FN3K: variants seen among roughly 807,000 people sequenced by gnomAD.
FN3K encodes the protein fructosamine 3 kinase, also known as fructosamine-3-kinase.
Under a neutral mutation model 24.8 loss-of-function variants are expected in FN3K, and 24 were observed. The observed-to-expected ratio is 0.97, with a 90% CI of 0.70 to 1.36. The LOEUF (loss-of-function observed/expected upper bound fraction) is 1.36, where lower values mean the gene tolerates loss of function less well. Ranked by LOEUF, FN3K falls within the 40% of genes most tolerant of loss-of-function variation. The pLI, the probability that FN3K is intolerant of heterozygous loss-of-function variation, is 0.00. For missense variants in FN3K, 449 were observed against 416.7 expected (o/e 1.08, Z -0.67); for synonymous variants, 192 against 175.2 (o/e 1.10, Z -0.76).
At chr17:82,746,159 C>T (rs2046967703) in intron 4 of FN3K, among the ~76,000 whole-genome samples, 1 of 151,828 alleles carries the variant, frequency 6.6e-6, no homozygotes, top group African/African-American at 2.4e-5. Context: ...GCATTCCCAC[C>T]AGCAGCATAT....
At position 82,748,954 on chromosome 17, in the gene FN3K, C is replaced by T. The variant is rs1254399905; in HGVS notation, c.568C>T (p.Arg190Ter). The T allele has an allele frequency of 9.9e-6, 16 of 1,614,064 alleles. No individual in the cohort carries two copies. Among genetic ancestry groups the T allele is most frequent in the South Asian group, 5.5e-5 (5 of 91,084 alleles). Reference sequence around the variant, plus strand: ...GAAGGACTATGCTGACCGAGAGGCACGAGAACTCTGGTCCCGGCTACAGGT... The same window carrying T: ...GAAGGACTATGCTGACCGAGAGGCATGAGAACTCTGGTCCCGGCTACAGGT... ...IEKDYADREA[R>*]ELWSRLQVKI... Residue 190 changes from arginine (R) to a stop codon, truncating the protein, a stop_gained, in exon 5 of 6, where the codon CGA (arginine) becomes TGA (stop). Coordinates refer to ENST00000300784, the MANE Select transcript of FN3K (RefSeq NM_022158.4). LOFTEE classifies it low-confidence loss of function (END_TRUNC).
Position 82,740,745 on chromosome 17 carries a change from C to A in FN3K, c.294-18C>A, listed in dbSNP as rs371100076. ...TATTATTTGTTATTTTAATTAGCTG[C>A]ATTTCTTCTTTCCTCAGTCAAGCAT... On this transcript the variant is annotated intron_variant, in intron 2 of 5. Transcript: ENST00000300784. The A allele has an allele frequency of 2.5e-6, 4 of 1,572,620 alleles. No homozygotes were observed. In the African/African-American group the frequency reaches 5.4e-5, roughly 21 times the overall value.
Position 82,750,807 on chromosome 17 carries a change from C to T in FN3K, c.*52C>T. On this transcript the variant is annotated 3_prime_UTR_variant, in exon 6 of 6. Coordinates refer to ENST00000300784, the MANE Select transcript of FN3K (RefSeq NM_022158.4). ...CCCGTCCCCGTCTCCGTCTCCCCGT[C>T]CCTGTCCCCCCGTCCCCCGTCCCTG... The T allele has an allele frequency of 2.1e-6, 3 of 1,461,782 alleles. No individual in the cohort carries two copies. Among genetic ancestry groups the T allele is most frequent in the South Asian group, 1.2e-5 (1 of 84,160 alleles). 90.6% of individuals were successfully genotyped at this position (1,461,782 alleles called of 1,614,324 possible).
chr17:82,738,326 C>A, intron 1 of FN3K, 163 bp from the exon 2 acceptor site: 2 of 908,918 alleles, frequency 2.2e-6, no homozygotes, highest in Non-Finnish European at 3.3e-6. Flanking sequence ...CGGGGGGCCC[C>A]TCTGCACCCT....
intron 4 of FN3K, chr17:82,745,374 C>T: frequency 1.3e-5 from 2 of 157,370 alleles, no homozygotes; most frequent in South Asian, 2.0e-4. Flanking sequence ...GGGGTAAGGT[C>T]ATAGATTAAC....
chr17:82,737,103 A>C (rs1035580225), intron 1 of FN3K, among the ~76,000 whole-genome samples: 3 of 151,958 alleles, frequency 2.0e-5, no homozygotes, highest in Non-Finnish European at 4.4e-5. Flanking sequence ...GTGGACACTC[A>C]CACCCACCCT....
chr17:82,740,965 G>A (rs1390211894), intron 3 of FN3K, 111 bp downstream of exon 3: 39 of 758,240 alleles, frequency 5.1e-5, no homozygotes, highest in South Asian at 1.6e-4. Context: ...GTTGTATACC[G>A]TCTGTCTTTA....
At position 82,750,842 on chromosome 17, in the gene FN3K, C is replaced by CCCTG. The variant is rs1200216912; in HGVS notation, c.*88_*91dup. The CCCTG allele has an allele frequency of 1.4e-5, 14 of 1,024,994 alleles. No individual in the cohort carries two copies. In the East Asian group the frequency reaches 3.9e-4, roughly 28 times the overall value. 63.5% of individuals were successfully genotyped at this position (1,024,994 alleles called of 1,614,324 possible). ...CCGTCCCCCGTCCCTGTGCCCCCGT[C>CCCTG]CCTGTCCCCCTGTTCCCGTCTCCCC... On this transcript the variant is annotated 3_prime_UTR_variant, in exon 6 of 6. Coordinates refer to ENST00000300784, the MANE Select transcript of FN3K (RefSeq NM_022158.4).
At chr17:82,736,825 A>T (rs544216955) in intron 1 of FN3K, among the ~76,000 whole-genome samples, 2 of 152,104 alleles carry the variant, frequency 1.3e-5, no homozygotes, top group Non-Finnish European at 1.5e-5. Context: ...GGGGAGTCCT[A>T]CTCACAGGGA....
intron 5 of FN3K, 196 bp downstream of exon 5, chr17:82,749,173 G>C: frequency 6.3e-6 from 5 of 787,434 alleles, no homozygotes; most frequent in Non-Finnish European, 1.1e-5. Flanking sequence ...AGACACACTT[G>C]GCTCCTCGTG....
Position 82,738,485 on chromosome 17 carries a change from G to T in FN3K, c.142-4G>T, listed in dbSNP as rs375538313. 1.9e-6 allele frequency: 3 copies of T among 1,611,866 alleles called. No individual in the cohort carries two copies. The highest frequency in any genetic ancestry group is 2.5e-6 in the Non-Finnish European group (3 of 1,179,796). Reference sequence around the variant, plus strand: ...AGGCTGACAAGGCTGTGTTCTGGATGCAGGCCCGGCAGATGTTTGAGGGGG... The same window carrying T: ...AGGCTGACAAGGCTGTGTTCTGGATTCAGGCCCGGCAGATGTTTGAGGGGG... On this transcript the variant is annotated splice_polypyrimidine_tract_variant and splice_region_variant and intron_variant, in intron 1 of 5. Transcript: ENST00000300784.
intron 1 of FN3K, among the ~76,000 whole-genome samples, chr17:82,737,216 G>A (rs987432050): frequency 2.6e-5 from 4 of 152,238 alleles, no homozygotes; most frequent in African/African-American, 7.2e-5. Flanking sequence ...ACCAGCAGAT[G>A]CTTTGGTCTC....
intron 1 of FN3K, chr17:82,738,229 T>C: frequency 2.0e-6 from 1 of 508,682 alleles, no homozygotes; most frequent in East Asian, 3.4e-5. Flanking sequence ...ACACGTGGCC[T>C]GTGCATCCTC....
rs1192879589 is a variant in FN3K at position 82,750,823 on chromosome 17, C to T, written c.*68C>T. On this transcript the variant is annotated 3_prime_UTR_variant, in exon 6 of 6. Transcript: ENST00000300784. ...TCTCCCCGTCCCTGTCCCCCCGTCC[C>T]CCGTCCCTGTGCCCCCGTCCCTGTC... is the stretch of plus-strand genomic sequence containing the variant. 3.0e-6 allele frequency: 4 copies of T among 1,328,152 alleles called. No homozygotes were observed. The highest frequency in any genetic ancestry group is 3.1e-6 in the Non-Finnish European group (3 of 972,468). 82.3% of individuals were successfully genotyped at this position (1,328,152 alleles called of 1,614,324 possible).
At chr17:82,747,800 C>T (rs1324901994) in intron 4 of FN3K, among the ~76,000 whole-genome samples, 1 of 152,208 alleles carries the variant, frequency 6.6e-6, no homozygotes, top group East Asian at 1.9e-4. Context: ...CTACTCTATT[C>T]CTCTTCTTAT....
At chr17:82,741,003 A>G (rs1172291019) in intron 3 of FN3K, 149 bp downstream of exon 3, 3 of 695,978 alleles carry the variant, frequency 4.3e-6, no homozygotes, top group Non-Finnish European at 7.8e-6. Flanking sequence ...GAGATTATTA[A>G]ATAAGAATTT....
intron 4 of FN3K, among the ~76,000 whole-genome samples, chr17:82,746,111 A>AAC (rs2046967382): frequency 6.6e-6 from 1 of 151,240 alleles, no homozygotes; most frequent in Non-Finnish European, 1.5e-5. Context: ...AAAAAAAAAA[A>AAC]ACTACCAAAC....
intron 1 of FN3K, among the ~76,000 whole-genome samples, chr17:82,737,045 G>C (rs1396728638): frequency 1.3e-5 from 2 of 152,264 alleles, no homozygotes; most frequent in African/African-American, 4.8e-5. Context: ...GGTGCATGGG[G>C]GGCTCGCCCT....
intron 1 of FN3K, among the ~76,000 whole-genome samples, chr17:82,737,105 A>G (rs896959455): frequency 1.3e-5 from 2 of 152,020 alleles, no homozygotes; most frequent in African/African-American, 4.8e-5. Context: ...GGACACTCAC[A>G]CCCACCCTCG....
Sources: allele counts gnomAD v4.1 joint callset (sites outside exome capture counted in the v4.1 genomes callset), GRCh38; gene constraint gnomAD v4.1.1; transcripts MANE v1.5; gene names NCBI Gene and HGNC (gene_info 2026-07-23, HGNC 2026-07-21).